The following PKD1 variants were observed in gnomAD, a reference collection of about 807,000 sequenced individuals.
The protein encoded by PKD1 is polycystin 1, transient receptor potential channel interacting.
Under a neutral mutation model 361.7 loss-of-function variants are expected in PKD1, and 81 were observed. The ratio of observed to expected loss-of-function variants is 0.22; its 90% CI spans 0.19 to 0.27. PKD1 has a LOEUF of 0.27. Ranked by LOEUF, PKD1 falls within the 10% of genes least tolerant of loss-of-function variation. PKD1 has a pLI of 1.00. For missense variants in PKD1, 6,399 were observed against 6,118.3 expected (o/e 1.05, Z -1.53); for synonymous variants, 3,615 against 2,818.3 (o/e 1.28, Z -8.95).
rs748262691 is a variant in PKD1 at position 2,110,893 on chromosome 16, C to A, written c.4274G>T (p.Arg1425Leu). Residue 1425 changes from arginine to leucine, a missense_variant, in exon 15 of 46, where the codon CGT (arginine) becomes CTT (leucine). Arg to Leu is a moderately radical substitution (Grantham distance 102, BLOSUM62 -2). Transcript: ENST00000262304. ...GAACGTCACCTCAGGGCCCCTGGCA[C>A]GGGTGGGGGCGGCTTCCTCGGTGCC... ...DFGTEEAAPT[R>L]ARGPEVTFIY... The A allele has an allele frequency of 3.4e-5, 55 of 1,611,580 alleles. No individual in the cohort carries two copies. The highest frequency in any genetic ancestry group is 4.7e-5 in the Non-Finnish European group (55 of 1,179,836).
chr16:2,130,657 C>G (rs71385751), intron 1 of PKD1, among the ~76,000 whole-genome samples: 2,078 of 152,306 alleles, frequency 0.014, 38 homozygotes, highest in African/African-American at 0.045. Context: ...AGCTGTGTCT[C>G]TGGCAGTTGC....
chr16:2,118,295 C>T lies in PKD1; in HGVS notation c.697G>A (p.Gly233Arg), dbSNP rs1596590460. Reference protein sequence around the residue: ...ALSEQGWCLCGAAQPSSASFA... With the variant: ...ALSEQGWCLCRAAQPSSASFA... ...GAGGCACTGGAGGGCTGGGCCGCCC[C>T]ACACAGGCACCAGCCCTGCTCCGAG... The change falls in exon 5 of 46, where the codon GGG becomes AGG. Residue 233 changes from glycine to arginine, a missense_variant. Transcript: ENST00000262304. This position sits in a 1 kb window ranked among gnomAD's most constrained non-coding sequence, Gnocchi z 6.0. 5.9e-6 allele frequency: 9 copies of T among 1,529,570 alleles called. No individual in the cohort carries two copies. The highest frequency in any genetic ancestry group is 2.4e-5 in the East Asian group (1 of 40,904). 94.7% of individuals were successfully genotyped at this position (1,529,570 alleles called of 1,614,324 possible). A position where few individuals can be genotyped will look rare whatever the true frequency, so the allele number is the denominator to read the frequency against.
chr16:2,108,841 C>T lies in PKD1; in HGVS notation c.6326G>A (p.Arg2109Lys), dbSNP rs757528429. ...AGGCCTCAGGTAGGAGTGCTCGGCC[C>T]TGGGCTCATCTGTGTCCTGCCCTGG... ...GSPGQDTDEP[R>K]AEHSYLRPGD... The change falls in exon 15 of 46, where the codon AGG becomes AAG. Residue 2109 changes from arginine to lysine, a missense_variant. By Grantham distance (26) the Arg-to-Lys change is conservative. Coordinates refer to ENST00000262304, the MANE Select transcript of PKD1 (RefSeq NM_001009944.3). The T allele has an allele frequency of 5.7e-6, 9 of 1,571,720 alleles. No homozygotes were observed. Among genetic ancestry groups the T allele is most frequent in the Middle Eastern group, 2.2e-4 (1 of 4,446 alleles).
chr16:2,091,668 G>C (rs377486837), intron 41 of PKD1, 71 bp from the exon 42 acceptor site: 49 of 1,559,622 alleles, frequency 3.1e-5, no homozygotes, highest in Non-Finnish European at 4.0e-5. Context: ...CAGTGCAGGC[G>C]TGGCTGAGGG....
Position 2,090,693 on chromosome 16 carries a change from T to A in PKD1, c.12119A>T (p.Tyr4040Phe), listed in dbSNP as rs757297994. Residue 4040 changes from tyrosine (Y) to phenylalanine (F), a missense_variant, in exon 44 of 46, where the codon TAC becomes TTC. Physicochemically the swap from Tyr to Phe is conservative, Grantham distance 22. Coordinates refer to ENST00000262304, the MANE Select transcript of PKD1 (RefSeq NM_001009944.3). ...TLGLVVLGVA[Y>F]AQLAILLVSS... The stretch of plus-strand genomic sequence containing the variant: ...ACCTACCAGGATGGCCAGCTGGGCG[T>A]AGGCTACCCCGAGCACCACCAGGCC... 1.2e-5 allele frequency: 20 copies of A among 1,611,862 alleles called. No homozygotes were observed. The highest frequency in any genetic ancestry group is 1.6e-5 in the Non-Finnish European group (19 of 1,179,844).
At chr16:2,111,952 G>A in intron 14 of PKD1, 81 bp from the exon 15 acceptor site, 7 of 1,472,722 alleles carry the variant, frequency 4.8e-6, no homozygotes, top group South Asian at 1.2e-5. Flanking sequence ...CCCGCCTGAG[G>A]AGCCCGGGGT....
At position 2,090,957 on chromosome 16, in the gene PKD1, A is replaced by T; in HGVS notation, c.11930T>A (p.Phe3977Tyr). 6.4e-7 allele frequency: 1 copy of T among 1,554,978 alleles called. No individual in the cohort carries two copies. Among genetic ancestry groups the T allele is most frequent in the East Asian group, 2.4e-5 (1 of 42,270 alleles). The change falls in exon 43 of 46, where the codon TTC becomes TAC. Residue 3977 changes from phenylalanine to tyrosine, a missense_variant. Transcript: ENST00000262304. ...VRGRPRRFTS[F>Y]DQVAQLSSAA... ...GGAGCTCAGCTGCGCCACCTGGTCG[A>T]AGCTAGTGAAGCGGCGCGGGCGGCC... is the stretch of plus-strand genomic sequence containing the variant.
rs1335809798 is a variant in PKD1 at position 2,090,594 on chromosome 16, C to CG, written c.12139-5dup. 6.2e-7 allele frequency: 1 copy of CG among 1,608,284 alleles called. No homozygotes were observed. Among genetic ancestry groups the CG allele is most frequent in the Non-Finnish European group, 8.5e-7 (1 of 1,179,692 alleles). On this transcript the variant is annotated splice_polypyrimidine_tract_variant and splice_region_variant and intron_variant, in intron 44 of 45. Transcript: ENST00000262304. ...AGTCCACACAGGAAGACACGAGCTGCGGGGAAGGCGACACCAGTGAGGGCG... is the reference window on the plus strand; with the variant it reads ...AGTCCACACAGGAAGACACGAGCTGCGGGGGAAGGCGACACCAGTGAGGGCG...
rs960856681 is a variant in PKD1 at position 2,092,259 on chromosome 16, C to T, written c.11270-71G>A. ...CCCAACAGGAGTGTTTCCTGCTGGC[C>T]AGCTCGCCTGAGCTCTGGTTCGGCG... On this transcript the variant is annotated intron_variant, in intron 39 of 45. Coordinates refer to ENST00000262304, the MANE Select transcript of PKD1 (RefSeq NM_001009944.3). 12 of 1,498,992 alleles carry T rather than the reference C, an allele frequency of 8.0e-6. No homozygotes were observed. The South Asian group carries it at 1.4e-4, about 18-fold the overall frequency. 92.9% of individuals were successfully genotyped at this position (1,498,992 alleles called of 1,614,324 possible).
At position 2,108,811 on chromosome 16, in the gene PKD1, T is replaced by C. The variant is rs755560531; in HGVS notation, c.6356A>G (p.Asp2119Gly). ...GGAGGCGTTCACCTGCACGCGGTAG[T>C]CCCCAGGCCTCAGGTAGGAGTGCTC... ...RAEHSYLRPG[D>G]YRVQVNASNL... The change falls in exon 15 of 46, where the codon GAC becomes GGC. Residue 2119 changes from aspartate to glycine, a missense_variant. Transcript: ENST00000262304. The C allele has an allele frequency of 1.4e-5, 22 of 1,568,152 alleles. No homozygotes were observed. The highest frequency in any genetic ancestry group is 1.8e-5 in the Non-Finnish European group (21 of 1,157,770).
Position 2,104,547 on chromosome 16 carries a change from C to T in PKD1, c.8112G>A (p.Ala2704=), listed in dbSNP as rs772293778. 2.2e-4 allele frequency: 342 copies of T among 1,588,144 alleles called. No individual in the cohort carries two copies. Among genetic ancestry groups the T allele is most frequent in the East Asian group, 1.8e-3 (80 of 44,056 alleles). The change falls in exon 22 of 46, where the codon GCG becomes GCA. Residue 2704 remains alanine (A), a synonymous_variant. Transcript: ENST00000262304. ...CGATGGCGGTGGGCGTCACGGTGCC[C>T]GCGGTGGTCTCTGCCTGCAGGATGA... ...MMLILQAETT[A]GTVTPTAIGD...
At chr16:2,111,899 C>T in intron 14 of PKD1, 28 bp from the exon 15 acceptor site, 1 of 1,608,410 alleles carries the variant, frequency 6.2e-7, no homozygotes, top group Non-Finnish European at 8.5e-7. Context: ...AGTGGGGCAG[C>T]CGCGGCACCC....
At position 2,115,676 on chromosome 16, in the gene PKD1, C is replaced by CA. The variant is rs757410179; in HGVS notation, c.1850-52dup. 10 of 1,552,040 alleles carry CA rather than the reference C, an allele frequency of 6.4e-6. No individual in the cohort carries two copies. In the East Asian group the frequency reaches 6.8e-5, roughly 11 times the overall value. ...CCCTGATTTGCCCACAGGCCACCGT[C>CA]AGAGATGCCCAACTGCCTGCACCAG... On this transcript the variant is annotated intron_variant, in intron 9 of 45. Coordinates refer to ENST00000262304, the MANE Select transcript of PKD1 (RefSeq NM_001009944.3).
At chr16:2,112,174 C>T (rs2515684) in intron 14 of PKD1, among the ~76,000 whole-genome samples, 166 bp downstream of exon 14, 1 of 152,224 alleles carries the variant, frequency 6.6e-6, no homozygotes, top group South Asian at 2.1e-4. Flanking sequence ...CCACTCCCCC[C>T]ACGCCTGGCC....
chr16:2,088,872 T>G lies in PKD1; in HGVS notation c.*855A>C. ...CTGGGCCATACAGCACACTCGCGCG[T>G]GCGCGCGCGCACACACACACACACA... On this transcript the variant is annotated 3_prime_UTR_variant, in exon 46 of 46. Coordinates refer to ENST00000262304, the MANE Select transcript of PKD1 (RefSeq NM_001009944.3). 3 of 500,464 alleles carry G rather than the reference T, an allele frequency of 6.0e-6. No homozygotes were observed. The highest frequency in any genetic ancestry group is 1.1e-5 in the Non-Finnish European group (3 of 276,950). 31.0% of individuals were successfully genotyped at this position (500,464 alleles called of 1,614,324 possible).
rs755291122 is a variant in PKD1, at chr16:2,100,170, G to A, written c.9708C>T (p.Ala3236=). Residue 3236 remains alanine (A), a synonymous_variant, in exon 28 of 46, where the codon GCC becomes GCT. Coordinates refer to ENST00000262304, the MANE Select transcript of PKD1 (RefSeq NM_001009944.3). This position sits in a 1 kb window ranked among gnomAD's most constrained non-coding sequence, Gnocchi z 4.4. ...GAACATGGAACGAGGCCTTACTCGC[G>A]GCCAGCACCTCCTTCTCCACCAGGC... ...NGGLVEKEVL[A]ASDAALLRFR... is the part of the protein sequence containing the mutation. 33 of 1,608,364 alleles carry A rather than the reference G, an allele frequency of 2.1e-5. No individual in the cohort carries two copies. Among genetic ancestry groups the A allele is most frequent in the South Asian group, 1.2e-4 (11 of 90,972 alleles).
chr16:2,102,388 A>C lies in PKD1; in HGVS notation c.9194T>G (p.Val3065Gly). The change falls in exon 25 of 46, where the codon GTG becomes GGG. Residue 3065 changes from valine to glycine, a missense_variant. Transcript: ENST00000262304. Reference sequence around the variant, plus strand: ...GAGCACAGGGTCACTCACAGGAAACACAAAGCGGACATGGCTTGGGGGCAC... The same window carrying C: ...GAGCACAGGGTCACTCACAGGAAACCCAAAGCGGACATGGCTTGGGGGCAC... ...LFVPPSHVRF[V>G]FPEPTADVNY... 1 of 1,557,422 alleles carries C rather than the reference A, an allele frequency of 6.4e-7. No individual in the cohort carries two copies. Among genetic ancestry groups the C allele is most frequent in the South Asian group, 1.2e-5 (1 of 85,278 alleles).
At chr16:2,103,022 G>C (rs2092160716) in intron 23 of PKD1, 52 bp from the exon 24 acceptor site, 1 of 1,585,732 alleles carries the variant, frequency 6.3e-7, no homozygotes, top group Non-Finnish European at 8.6e-7. Flanking sequence ...AACCACCCGG[G>C]GGACACCCAC....
chr16:2,116,890 A>G lies in PKD1; in HGVS notation c.1549T>C (p.Cys517Arg). The G allele has an allele frequency of 6.5e-7, 1 of 1,531,478 alleles. No homozygotes were observed. The allele number at this position is 1,531,478 out of a possible 1,614,324, so 94.9% of individuals were successfully genotyped here. Reference sequence around the variant, plus strand: ...GGCGCTGAGCACAGGTCGGTGTTACACCACCCGGTGGGCCCGAGCCGGACG... The same window carrying G: ...GGCGCTGAGCACAGGTCGGTGTTACGCCACCCGGTGGGCCCGAGCCGGACG... Reference protein sequence around the residue: ...HCVRLGPTGWCNTDLCSAPHS... With the variant: ...HCVRLGPTGWRNTDLCSAPHS... The change falls in exon 7 of 46, where the codon TGT becomes CGT. Residue 517 changes from cysteine (C) to arginine (R), a missense_variant. Cys to Arg is a radical substitution (Grantham distance 180). Coordinates refer to ENST00000262304, the MANE Select transcript of PKD1 (RefSeq NM_001009944.3).
Sources: gnomAD v4.1 joint callset for allele counts (sites outside exome capture counted in the v4.1 genomes callset) on GRCh38, gnomAD v4.1.1 for gene constraint, Gnocchi (gnomAD v3.1) non-coding constraint, MANE v1.5 for transcripts, NCBI Gene and HGNC (gene_info 2026-07-23, HGNC 2026-07-21) for gene names.